Variants in DNAH10 observed in about 807,000 individuals in gnomAD.
The protein encoded by DNAH10 is dynein axonemal heavy chain 10.
Under a neutral mutation model 506.6 loss-of-function variants are expected in DNAH10, and 348 were observed. The ratio of observed to expected loss-of-function variants is 0.69; its 90% CI spans 0.63 to 0.75. The LOEUF (loss-of-function observed/expected upper bound fraction) is 0.75. DNAH10 is among the 30% of genes least tolerant of loss of function. The probability of loss-of-function intolerance (pLI) is 0.00; values close to 1 mark genes in which losing one functional copy is unlikely to be tolerated. For synonymous variants in DNAH10, 2,059 were observed against 2,198.6 expected (o/e 0.94, Z 1.78); for missense variants, 5,179 against 5,787.1 (o/e 0.89, Z 3.41).
intron 5 of DNAH10, among the ~76,000 whole-genome samples, chr12:123,778,745 AT>A (rs935710499): frequency 6.6e-6 from 1 of 152,088 alleles, no homozygotes; most frequent in African/African-American, 2.4e-5. Flanking sequence ...AGTTAAAAAC[AT>A]TTTTTTAAGA....
intron 18 of DNAH10, among the ~76,000 whole-genome samples, chr12:123,808,351 T>G (rs967006502): frequency 2.6e-5 from 4 of 152,028 alleles, no homozygotes; most frequent in Non-Finnish European, 5.9e-5. Context: ...AAATAGTGTC[T>G]CTGGCTGCCA....
chr12:123,867,280 A>G (rs768219596), intron 41 of DNAH10, among the ~76,000 whole-genome samples, 187 bp from the exon 42 acceptor site: 4 of 152,200 alleles, frequency 2.6e-5, no homozygotes, highest in Non-Finnish European at 5.9e-5. Flanking sequence ...TGATGAGATG[A>G]AAGCATATTG....
rs79030689 is a variant in DNAH10, at chr12:123,848,185, G to A, written c.5949+90G>A. The A allele has an allele frequency of 9.8e-3, 14,814 of 1,517,442 alleles. 1,207 individuals are homozygous for A. The African/African-American group carries it at 0.18, about 18-fold the overall frequency. 94.0% of individuals were successfully genotyped at this position (1,517,442 alleles called of 1,614,324 possible). On this transcript the variant is annotated intron_variant, in intron 33 of 78. Coordinates refer to ENST00000673944, the MANE Select transcript of DNAH10 (RefSeq NM_001372106.1). ...ATTTCACCTCCTAGTCTTTGACATG[G>A]CGACAGTGGAAGAAGCTAGTAGAAA...
chr12:123,887,536 G>A (rs1034419676), intron 52 of DNAH10, among the ~76,000 whole-genome samples: 2 of 152,082 alleles, frequency 1.3e-5, no homozygotes, highest in Non-Finnish European at 2.9e-5. Context: ...TGCGATGATG[G>A]CAGTATCCTT....
intron 59 of DNAH10, among the ~76,000 whole-genome samples, chr12:123,911,188 C>T (rs779222042): frequency 3.0e-5 from 4 of 134,678 alleles, no homozygotes; most frequent in South Asian, 2.5e-4. Flanking sequence ...AAAAAAATGA[C>T]GTAAAGATGT....
At chr12:123,770,690 C>A (rs1246800669) in intron 2 of DNAH10, among the ~76,000 whole-genome samples, 1 of 152,016 alleles carries the variant, frequency 6.6e-6, no homozygotes, top group Non-Finnish European at 1.5e-5. Flanking sequence ...GATTCAGACC[C>A]CTGACATTGA....
chr12:123,896,708 C>A (rs1953262694), intron 54 of DNAH10, among the ~76,000 whole-genome samples: 3 of 143,364 alleles, frequency 2.1e-5, no homozygotes, highest in Non-Finnish European at 3.0e-5. Flanking sequence ...CAGAGTGAGA[C>A]CCTGTCTCAA....
intron 43 of DNAH10, among the ~76,000 whole-genome samples, chr12:123,869,577 G>A (rs184098356): frequency 6.6e-6 from 1 of 152,254 alleles, no homozygotes; most frequent in Non-Finnish European, 1.5e-5. Context: ...GCTTCAACAG[G>A]AACAACGGAA....
chr12:123,934,581 C>T, intron 77 of DNAH10, 40 bp from the exon 78 acceptor site: 5 of 1,608,912 alleles, frequency 3.1e-6, no homozygotes, highest in Non-Finnish European at 4.2e-6. Context: ...GCAGGCTGTG[C>T]ATGCTCCAGT....
chr12:123,913,938 G>A lies in DNAH10; in HGVS notation c.10353-391G>A, dbSNP rs1259327624. Among the ~76,000 whole-genome samples the A allele has an allele frequency of 6.6e-6, 1 of 152,202 alleles. No individual in the cohort carries two copies. On this transcript the variant is annotated intron_variant, in intron 60 of 78. Coordinates refer to ENST00000673944, the MANE Select transcript of DNAH10 (RefSeq NM_001372106.1). This position sits in a 1 kb window ranked among gnomAD's most constrained non-coding sequence, Gnocchi z 5.1. ...CTGAAAGAGGACAAATGAAACAGAC[G>A]CTTTCTTTTATCTTGGGTGGAATTC...
rs752992370 is a variant in DNAH10, at chr12:123,859,276, T to C, written c.6749+8T>C. The C allele has an allele frequency of 5.0e-6, 8 of 1,587,740 alleles. No individual in the cohort carries two copies. In the South Asian group the frequency reaches 9.3e-5, roughly 19 times the overall value. ...GTGTCAGGCCCAGACCAAGTGAGTA[T>C]GACCTCCGTAGGGAGGGCCTGGCTG... On this transcript the variant is annotated splice_region_variant and intron_variant, in intron 38 of 78. Transcript: ENST00000673944.
rs1953969437 is a variant in DNAH10, at chr12:123,909,491, ATC to A, written c.9997+52_9997+53del. On this transcript the variant is annotated intron_variant, in intron 58 of 78. Coordinates refer to ENST00000673944, the MANE Select transcript of DNAH10 (RefSeq NM_001372106.1). The surrounding 1 kb of genome is among the most constrained non-coding windows in gnomAD (Gnocchi z 5.4). ...TCGCCAGGGTGGATCTCGGTCTGGCATCTCAGGCTCTGGGACAGGGATGGAGG... is the reference window on the plus strand; with the variant it reads ...TCGCCAGGGTGGATCTCGGTCTGGCATCAGGCTCTGGGACAGGGATGGAGG... 6 of 1,494,530 alleles carry A rather than the reference ATC, an allele frequency of 4.0e-6. No individual in the cohort carries two copies. In the South Asian group the frequency reaches 8.2e-5, roughly 20 times the overall value. The allele number at this position is 1,494,530 out of a possible 1,614,324, so 92.6% of individuals were successfully genotyped here. A position where few individuals can be genotyped will look rare whatever the true frequency, so the allele number is the denominator to read the frequency against.
Position 123,820,692 on chromosome 12 carries a change from G to GTT in DNAH10, c.4113_4114insTT (p.Leu1372PhefsTer3), listed in dbSNP as rs1159162530. The GTT allele has an allele frequency of 6.2e-7, 1 of 1,613,864 alleles. No homozygotes were observed. Among genetic ancestry groups the GTT allele is most frequent in the Non-Finnish European group, 8.5e-7 (1 of 1,179,900 alleles). On this transcript the variant is annotated frameshift_variant, in exon 24 of 79. Transcript: ENST00000673944. LOFTEE classifies it high-confidence loss of function. Reference sequence around the variant, plus strand: ...ATCTTCCTATTACAATGTACCCAGAGCTGCTGAAAGTGCAGAAGGAAATGA... The same window carrying GTT: ...ATCTTCCTATTACAATGTACCCAGAGTTCTGCTGAAAGTGCAGAAGGAAATGA...
chr12:123,818,305 A>G lies in DNAH10; in HGVS notation c.3781-645A>G, dbSNP rs140084650. On this transcript the variant is annotated intron_variant, in intron 21 of 78. Coordinates refer to ENST00000673944, the MANE Select transcript of DNAH10 (RefSeq NM_001372106.1). Reference sequence around the variant, plus strand: ...TGATTTTATTTTAATTATAAAATTCAACTTTAATATTTATTTTTATTTTAC... The same window carrying G: ...TGATTTTATTTTAATTATAAAATTCGACTTTAATATTTATTTTTATTTTAC... Among the ~76,000 whole-genome samples, 163 of 152,110 alleles carry G rather than the reference A, an allele frequency of 1.1e-3. 1 individual carries two copies. The highest frequency in any genetic ancestry group is 3.1e-3 in the African/African-American group (127 of 41,546).
chr12:123,893,553 G>A, intron 53 of DNAH10, 117 bp downstream of exon 53: 1 of 1,187,268 alleles, frequency 8.4e-7, no homozygotes, highest in South Asian at 1.4e-5. Flanking sequence ...ACGGCCATTA[G>A]GTGGAAATGT....
intron 5 of DNAH10, among the ~76,000 whole-genome samples, chr12:123,778,920 G>A (rs1957539786): frequency 6.7e-6 from 1 of 149,656 alleles, no homozygotes; most frequent in Non-Finnish European, 1.5e-5. Flanking sequence ...TTTTTTTTGA[G>A]GCGGAGTCTC....
intron 30 of DNAH10, 81 bp downstream of exon 30, chr12:123,841,626 T>G (rs1950779237): frequency 1.5e-6 from 2 of 1,353,016 alleles, no homozygotes; most frequent in Non-Finnish European, 1.0e-6. Context: ...TGGAGTAGAT[T>G]GGCTGACATT....
chr12:123,784,743 C>T (rs1957786687), intron 8 of DNAH10, among the ~76,000 whole-genome samples: 1 of 152,202 alleles, frequency 6.6e-6, no homozygotes, highest in Non-Finnish European at 1.5e-5. Context: ...CCCCCTTCTT[C>T]CTTACCCTAA....
chr12:123,879,552 A>G, intron 49 of DNAH10, 82 bp from the exon 50 acceptor site: 1 of 1,559,922 alleles, frequency 6.4e-7, no homozygotes. Flanking sequence ...TTTAGATAAT[A>G]GTACGTATCC....
Sources: allele counts gnomAD v4.1 joint callset (sites outside exome capture counted in the v4.1 genomes callset), GRCh38; gene constraint gnomAD v4.1.1; non-coding constraint Gnocchi (gnomAD v3.1); transcripts MANE v1.5; gene names NCBI Gene and HGNC (gene_info 2026-07-23, HGNC 2026-07-21).